The following C5orf58 variants were observed in gnomAD, a reference collection of about 807,000 sequenced individuals.
C5orf58 encodes chromosome 5 open reading frame 58.
Under a neutral mutation model 2.9 loss-of-function variants are expected in C5orf58, and 2 were observed. That is an observed-to-expected ratio of 0.69 (90% CI 0.28 to 2.18). The LOEUF (loss-of-function observed/expected upper bound fraction) is 2.18. Among genes scored for constraint, C5orf58 ranks in the 30% most tolerant of loss-of-function variants. The pLI, the probability that C5orf58 is intolerant of heterozygous loss-of-function variation, is 0.13. For missense variants in C5orf58, 96 were observed against 91.7 expected (o/e 1.05, Z -0.19); for synonymous variants, 37 against 33.4 (o/e 1.11, Z -0.37).
Position 170,246,010 on chromosome 5 carries a change from C to T in C5orf58, c.143C>T (p.Pro48Leu). The change falls in exon 4 of 4, where the codon CCC becomes CTC. Residue 48 changes from proline to leucine, a missense_variant. By Grantham distance (98) the Pro-to-Leu change is moderately conservative. Transcript: ENST00000593851. The part of the protein sequence containing the change: ...LCDLILHFNH[P>L]IKTENLAEAE... ...GACCTTATCCTACATTTTAATCATC[C>T]CATCAAGACTGAGAACTTAGCAGAA... 6.2e-7 allele frequency: 1 copy of T among 1,613,488 alleles called. No homozygotes were observed. The highest frequency in any genetic ancestry group is 8.5e-7 in the Non-Finnish European group (1 of 1,179,596).
rs1186004560 is a variant in C5orf58, at chr5:170,233,020, G to A, written c.-85+13G>A. ...GACGGTTGGCCAGGTGGGTAGTGAC[G>A]GCTGCTCGGTCTTGAAGGATCCTAA... On this transcript the variant is annotated intron_variant, in intron 1 of 3. Transcript: ENST00000593851. 2.1e-6 allele frequency: 2 copies of A among 973,410 alleles called. No homozygotes were observed. Among genetic ancestry groups the A allele is most frequent in the East Asian group, 2.3e-4 (2 of 8,762 alleles). The allele number at this position is 973,410 out of a possible 1,614,324, so 60.3% of individuals were successfully genotyped here.
At chr5:170,241,452 T>G (rs1422582846) in intron 3 of C5orf58, among the ~76,000 whole-genome samples, 2 of 151,110 alleles carry the variant, frequency 1.3e-5, no homozygotes, top group Non-Finnish European at 2.9e-5. Flanking sequence ...TTTTATTTCC[T>G]TGAGCAGTGG....
At chr5:170,250,313 A>G (rs976468587), downstream of C5orf58, among the ~76,000 whole-genome samples, 2 of 152,230 alleles carry the variant, frequency 1.3e-5, no homozygotes, top group African/African-American at 4.8e-5. Flanking sequence ...TTGTTAAGAA[A>G]TGAGCCAAGT....
At chr5:170,244,399 A>G (rs574203347) in intron 3 of C5orf58, among the ~76,000 whole-genome samples, 4,487 of 148,806 alleles carry the variant, frequency 0.03, 221 homozygotes, top group African/African-American at 0.11. Context: ...CATTCTCCCC[A>G]TCACTTTCAG....
downstream of C5orf58, chr5:170,247,919 T>G (rs1761336509): frequency 6.6e-6 from 1 of 152,238 alleles, no homozygotes; most frequent in African/African-American, 2.4e-5. Flanking sequence ...AAATGCCAAC[T>G]TAACCCCAGA....
chr5:170,238,027 C>G (rs1314873916), intron 3 of C5orf58, among the ~76,000 whole-genome samples: 1 of 152,164 alleles, frequency 6.6e-6, no homozygotes, highest in Admixed American at 6.5e-5. Flanking sequence ...GTTCTCCCAA[C>G]AAAATAACCC....
At chr5:170,239,499 G>A (rs1364735797) in intron 3 of C5orf58, among the ~76,000 whole-genome samples, 1 of 150,526 alleles carries the variant, frequency 6.6e-6, no homozygotes, top group Non-Finnish European at 1.5e-5. Context: ...ACACTGAAAT[G>A]ACCAAAGCAA....
At chr5:170,234,310 G>A in intron 2 of C5orf58, 112 bp downstream of exon 2, 1 of 550,250 alleles carries the variant, frequency 1.8e-6, no homozygotes, top group South Asian at 1.6e-5. Context: ...GTCATTTTGA[G>A]AGACTGAACA....
chr5:170,239,490 C>T (rs1760888484), intron 3 of C5orf58, among the ~76,000 whole-genome samples: 1 of 150,034 alleles, frequency 6.7e-6, no homozygotes, highest in African/African-American at 2.4e-5. Context: ...AAAACAGACA[C>T]ACTGAAATGA....
At chr5:170,251,845 T>C (rs1373105383) in exon 3 of C5orf58, 1 of 319,382 alleles carries the variant, frequency 3.1e-6, no homozygotes, top group Non-Finnish European at 6.5e-6. Flanking sequence ...GATCTAAATG[T>C]GCAACTACTA....
At chr5:170,250,760 G>A, downstream of C5orf58, 1 of 1,613,486 alleles carries the variant, frequency 6.2e-7, no homozygotes, top group Non-Finnish European at 8.5e-7. Flanking sequence ...TTCCCAACAA[G>A]TAAACTTGAC....
downstream of C5orf58, chr5:170,248,622 C>G (rs570785452): frequency 6.5e-7 from 1 of 1,545,088 alleles, no homozygotes; most frequent in African/African-American, 1.4e-5. Context: ...AAGTGTTTGT[C>G]CATTGACCAA....
chr5:170,236,365 A>C (rs1308838838), intron 3 of C5orf58, among the ~76,000 whole-genome samples: 1 of 152,198 alleles, frequency 6.6e-6, no homozygotes, highest in Non-Finnish European at 1.5e-5. Context: ...GTACAGTAGA[A>C]CAGAGTCAAT....
At chr5:170,235,725 T>G (rs372366474) in intron 3 of C5orf58, among the ~76,000 whole-genome samples, 1 of 152,212 alleles carries the variant, frequency 6.6e-6, no homozygotes, top group African/African-American at 2.4e-5. Context: ...AAGAGTCCTA[T>G]TTCTAACCAT....
At position 170,234,670 on chromosome 5, in the gene C5orf58, T is replaced by C. The variant is rs1760666913; in HGVS notation, c.1-307T>C. On this transcript the variant is annotated intron_variant, in intron 2 of 3. Coordinates refer to ENST00000593851, the MANE Select transcript of C5orf58 (RefSeq NM_001102609.3). Reference sequence around the variant, plus strand: ...TTAACACAAACGCTAAATTGTAAGGTAGTTTATAAGGGCTGAGGCTTTCTG... The same window carrying C: ...TTAACACAAACGCTAAATTGTAAGGCAGTTTATAAGGGCTGAGGCTTTCTG... Among the ~76,000 whole-genome samples the C allele has an allele frequency of 2.0e-5, 3 of 152,170 alleles. No individual in the cohort carries two copies. In the South Asian group the frequency reaches 6.2e-4, roughly 32 times the overall value.
chr5:170,248,498 C>A, downstream of C5orf58: 1 of 534,470 alleles, frequency 1.9e-6, no homozygotes, highest in Non-Finnish European at 3.3e-6. Context: ...ACTTTACAAA[C>A]ATTGAAGAAG....
At chr5:170,248,932 TG>T (rs966215209), downstream of C5orf58, 22 of 1,072,018 alleles carry the variant, frequency 2.1e-5, 1 homozygote, top group African/African-American at 2.4e-4. Context: ...ATGAGGATTG[TG>T]GGGGGAAAAA....
intron 3 of C5orf58, among the ~76,000 whole-genome samples, chr5:170,238,129 A>G (rs1760818607): frequency 6.6e-6 from 1 of 152,216 alleles, no homozygotes; most frequent in Non-Finnish European, 1.5e-5. Flanking sequence ...CAACTAAGGC[A>G]CAACAGATAC....
chr5:170,233,876 ACT>A, intron 1 of C5orf58: 1 of 349,346 alleles, frequency 2.9e-6, no homozygotes, highest in South Asian at 2.2e-5. Flanking sequence ...GAGAGAGGCC[ACT>A]GTCTTGGGCT....
Sources: gnomAD v4.1 joint callset for allele counts (sites outside exome capture counted in the v4.1 genomes callset) on GRCh38, gnomAD v4.1.1 for gene constraint, MANE v1.5 for transcripts, NCBI Gene and HGNC (gene_info 2026-07-23, HGNC 2026-07-21) for gene names.